KCNH1: variants seen among roughly 807,000 people sequenced by gnomAD.
The protein encoded by KCNH1 is voltage-gated delayed rectifier potassium channel KCNH1.
In KCNH1, 27 loss-of-function variants were observed where a neutral mutation model predicts 69.2. That is an observed-to-expected ratio of 0.39 (90% CI 0.29 to 0.54). KCNH1 has a LOEUF of 0.54. Among genes scored for constraint, KCNH1 ranks in the 20% least tolerant of loss-of-function variants. The pLI, the probability that KCNH1 is intolerant of heterozygous loss-of-function variation, is 0.68. For synonymous variants in KCNH1, 456 were observed against 487.7 expected, an observed-to-expected ratio of 0.93 and a Z score of 0.86; for missense variants, 798 against 1,261.6, an observed-to-expected ratio of 0.63 and a Z score of 5.57.
At chr1:210,759,156 G>C (rs1313664770) in intron 10 of KCNH1, among the ~76,000 whole-genome samples, 3 of 148,484 alleles carry the variant, frequency 2.0e-5, no homozygotes, top group South Asian at 2.1e-4. Flanking sequence ...CCAAATGATA[G>C]ACACACACAC....
Position 210,682,470 on chromosome 1 carries a change from G to A in KCNH1, c.*811C>T, listed in dbSNP as rs959644814. The A allele has an allele frequency of 6.6e-6, 1 of 152,568 alleles. No homozygotes were observed. Among genetic ancestry groups the A allele is most frequent in the African/African-American group, 2.4e-5 (1 of 41,454 alleles). The allele number at this position is 152,568 out of a possible 1,614,324, so 9.5% of individuals were successfully genotyped here. On this transcript the variant is annotated 3_prime_UTR_variant, in exon 11 of 11. Transcript: ENST00000271751. ...GGAACAGAAGCAAGGGAGCCTGTGT[G>A]TGAGGCCAGCAGCATGGAGCAGGGC...
chr1:210,911,761 C>T (rs772114334), intron 7 of KCNH1, among the ~76,000 whole-genome samples: 2 of 152,066 alleles, frequency 1.3e-5, no homozygotes, highest in Non-Finnish European at 2.9e-5. Flanking sequence ...GTTGTAAATT[C>T]CTCTGCCCAG....
chr1:211,117,742 G>A (rs1571661066), intron 1 of KCNH1, among the ~76,000 whole-genome samples: 4 of 152,318 alleles, frequency 2.6e-5, no homozygotes, highest in Admixed American at 2.6e-4. Context: ...CTAATGAGCT[G>A]TAGGTAAGTC....
chr1:211,049,656 T>C (rs1464638941), intron 5 of KCNH1, among the ~76,000 whole-genome samples: 2 of 152,066 alleles, frequency 1.3e-5, no homozygotes, highest in Non-Finnish European at 2.9e-5. Flanking sequence ...GGCAGCAGTG[T>C]GGAGGAGGGC....
intron 8 of KCNH1, 141 bp from the exon 9 acceptor site, chr1:210,797,901 T>A: frequency 1.1e-6 from 1 of 898,946 alleles, no homozygotes; most frequent in South Asian, 1.8e-5. Flanking sequence ...TTATGGAGCT[T>A]ATATTCTTAT....
intron 10 of KCNH1, among the ~76,000 whole-genome samples, chr1:210,740,710 T>C (rs1382688597): frequency 8.5e-6 from 1 of 117,556 alleles, no homozygotes; most frequent in Admixed American, 8.7e-5. Flanking sequence ...TTAAATTTTT[T>C]TTTTTTTTTT....
chr1:210,762,623 A>T (rs1371540356), intron 10 of KCNH1, among the ~76,000 whole-genome samples: 2 of 152,116 alleles, frequency 1.3e-5, no homozygotes, highest in Non-Finnish European at 2.9e-5. Context: ...GAAAATCTAG[A>T]AGAAATTGAT....
intron 6 of KCNH1, among the ~76,000 whole-genome samples, chr1:210,990,814 T>C (rs1028806145): frequency 6.6e-6 from 1 of 152,176 alleles, no homozygotes; most frequent in Non-Finnish European, 1.5e-5. Flanking sequence ...ATTTCATCCA[T>C]TTTGATTATA....
chr1:210,795,949 C>T (rs1448877338), intron 9 of KCNH1, among the ~76,000 whole-genome samples: 3 of 142,324 alleles, frequency 2.1e-5, no homozygotes, highest in Non-Finnish European at 3.0e-5. Context: ...GGTGAAACCC[C>T]ATCTCTACTA....
intron 5 of KCNH1, among the ~76,000 whole-genome samples, chr1:211,039,054 G>C (rs536804398): frequency 3.2e-4 from 49 of 152,264 alleles, no homozygotes; most frequent in South Asian, 1.5e-3. Flanking sequence ...GGCCCAGGAG[G>C]AAAAAGTGGT....
chr1:210,955,606 G>T (rs1367009396), intron 6 of KCNH1, among the ~76,000 whole-genome samples: 1 of 152,108 alleles, frequency 6.6e-6, no homozygotes, highest in African/African-American at 2.4e-5. Flanking sequence ...TCTCCTTGAA[G>T]GGGTCATTCA....
chr1:211,018,775 G>A lies in KCNH1; in HGVS notation c.1032+8C>T, dbSNP rs761183118. 6.3e-7 allele frequency: 1 copy of A among 1,583,352 alleles called. No individual in the cohort carries two copies. Among genetic ancestry groups the A allele is most frequent in the East Asian group, 2.2e-5 (1 of 44,626 alleles). Reference sequence around the variant, plus strand: ...ATGACAACAAGGTCTGAGATTTGAGGGATGTACCTGACTCTCTCTCCCCTC... The same window carrying A: ...ATGACAACAAGGTCTGAGATTTGAGAGATGTACCTGACTCTCTCTCCCCTC... On this transcript the variant is annotated splice_region_variant and intron_variant, in intron 6 of 10. Transcript: ENST00000271751.
chr1:211,058,835 T>C (rs1387140249), intron 5 of KCNH1, among the ~76,000 whole-genome samples: 2 of 152,132 alleles, frequency 1.3e-5, no homozygotes, highest in African/African-American at 4.8e-5. Flanking sequence ...ATCTGTTGCC[T>C]ACAAGAAACA....
At chr1:211,056,985 G>T (rs781755456) in intron 5 of KCNH1, among the ~76,000 whole-genome samples, 10 of 152,140 alleles carry the variant, frequency 6.6e-5, no homozygotes, top group Non-Finnish European at 1.5e-4. Context: ...ACATCCACCA[G>T]TATCGAGACC....
chr1:210,859,705 A>G, intron 7 of KCNH1: 1 of 1,230,320 alleles, frequency 8.1e-7, no homozygotes, highest in Non-Finnish European at 1.2e-6. Context: ...AGCTGGCAAA[A>G]TCTGTCCAGA....
intron 6 of KCNH1, among the ~76,000 whole-genome samples, chr1:211,001,881 G>GA (rs540076733): frequency 0.24 from 35,634 of 151,398 alleles, 5,737 homozygotes; most frequent in African/African-American, 0.45. Flanking sequence ...GATGAAGCTA[G>GA]AACCATCATT....
chr1:210,822,522 G>A (rs1269733235), intron 7 of KCNH1, among the ~76,000 whole-genome samples: 1 of 152,162 alleles, frequency 6.6e-6, no homozygotes, highest in African/African-American at 2.4e-5. Context: ...TCCTGGCAGA[G>A]TAATGAAATC....
chr1:211,072,985 A>C (rs1690674521), intron 5 of KCNH1, among the ~76,000 whole-genome samples: 1 of 152,244 alleles, frequency 6.6e-6, no homozygotes, highest in Admixed American at 6.5e-5. Flanking sequence ...ACAGAAAGTC[A>C]CTTTAAATAT....
At chr1:211,068,371 A>G (rs1272938859) in intron 5 of KCNH1, among the ~76,000 whole-genome samples, 1 of 152,196 alleles carries the variant, frequency 6.6e-6, no homozygotes, top group Non-Finnish European at 1.5e-5. Flanking sequence ...AACAAAGTAA[A>G]AAGCTGAACA....
Sources: allele counts gnomAD v4.1 joint callset (sites outside exome capture counted in the v4.1 genomes callset), GRCh38; gene constraint gnomAD v4.1.1; transcripts MANE v1.5; gene names NCBI Gene and HGNC (gene_info 2026-07-23, HGNC 2026-07-21).